The following GGH variants were observed in gnomAD, a reference collection of about 807,000 sequenced individuals.
GGH encodes the protein gamma-Glu-X carboxypeptidase.
GGH carries 18 observed loss-of-function variants against 39.2 expected under a neutral mutation model. That is an observed-to-expected ratio of 0.46 (90% confidence interval 0.32 to 0.68). The LOEUF is 0.68. Among genes scored for constraint, GGH ranks in the 30% least tolerant of loss-of-function variants. The pLI is 0.04. For missense variants in GGH, 367 were observed against 384.1 expected (o/e 0.96, Z 0.37); for synonymous variants, 147 against 138.8 (o/e 1.06, Z -0.42).
chr8:63,030,212 TC>T lies in GGH; in HGVS notation c.229del (p.Asp77IlefsTer67). Reference protein sequence around the residue: ...AGARVVPVRLDLTEKDYEILF... With the variant: ...AGARVVPVRLXLTEKDYEILF... ...TATTTCATAGTCTTTCTCTGTAAGA[TC>T]CAGCCTGAAAACAATAAAAGTTATT... On this transcript the variant is annotated frameshift_variant, in exon 3 of 9. Coordinates refer to ENST00000260118, the MANE Select transcript of GGH (RefSeq NM_003878.3). LOFTEE classifies it high-confidence loss of function. The T allele has an allele frequency of 1.4e-6, 2 of 1,390,186 alleles. No homozygotes were observed. The highest frequency in any genetic ancestry group is 1.0e-6 in the Non-Finnish European group (1 of 977,748). The allele number at this position is 1,390,186 out of a possible 1,614,324, so 86.1% of individuals were successfully genotyped here.
intron 2 of GGH, among the ~76,000 whole-genome samples, chr8:63,034,782 A>AATTTACAAAC (rs1269757076): frequency 2.6e-5 from 4 of 152,228 alleles, no homozygotes; most frequent in African/African-American, 9.6e-5. Flanking sequence ...GTGTGAAGGT[A>AATTTACAAAC]TTTTAAAAGT....
chr8:63,024,722 AC>A (rs1321898933), intron 5 of GGH: 1 of 150,490 alleles, frequency 6.6e-6, no homozygotes, highest in East Asian at 2.0e-4. Context: ...AGACTCAAAC[AC>A]CAACAAACAG....
chr8:63,038,004 A>C (rs749718454), intron 1 of GGH, among the ~76,000 whole-genome samples: 2 of 152,224 alleles, frequency 1.3e-5, no homozygotes, highest in Non-Finnish European at 2.9e-5. Context: ...GCAAATTTTA[A>C]CCCCAGGATG....
chr8:63,038,762 T>C lies in GGH; in HGVS notation c.7A>G (p.Ser3Gly). The C allele has an allele frequency of 6.5e-7, 1 of 1,543,942 alleles. No individual in the cohort carries two copies. The highest frequency in any genetic ancestry group is 8.7e-7 in the Non-Finnish European group (1 of 1,148,852). Residue 3 changes from serine (S) to glycine (G), a missense_variant, in exon 1 of 9, where the codon AGT becomes GGT. By Grantham distance (56) the Ser-to-Gly change is moderately conservative. Coordinates refer to ENST00000260118, the MANE Select transcript of GGH (RefSeq NM_003878.3). MA[S>G]PGCLLCVLGL... ...AGCACGCACAGCAGGCAGCCCGGAC[T>C]GGCCATGGCGCTCGCCGCCTCCCGC...
At chr8:63,015,572 A>C in intron 8 of GGH, 119 bp from the exon 9 acceptor site, 1 of 560,200 alleles carries the variant, frequency 1.8e-6, no homozygotes, top group Non-Finnish European at 3.1e-6. Flanking sequence ...ACAAGAAGAG[A>C]AATGCGACTG....
At chr8:63,030,328 T>A in intron 2 of GGH, 111 bp from the exon 3 acceptor site, 2 of 617,124 alleles carry the variant, frequency 3.2e-6, no homozygotes, top group East Asian at 2.7e-5. Flanking sequence ...TTTTAATTAC[T>A]AGACAATATT....
rs1174545239 is a variant in GGH at position 63,030,226 on chromosome 8, A to T, written c.225-9T>A. On this transcript the variant is annotated splice_polypyrimidine_tract_variant and intron_variant, in intron 2 of 8. Coordinates refer to ENST00000260118, the MANE Select transcript of GGH (RefSeq NM_003878.3). ...TCTCTGTAAGATCCAGCCTGAAAAC[A>T]ATAAAAGTTATTGTTACATTTGTGA... The T allele has an allele frequency of 7.9e-7, 1 of 1,264,650 alleles. No individual in the cohort carries two copies. The highest frequency in any genetic ancestry group is 1.2e-6 in the Non-Finnish European group (1 of 864,884). 78.3% of individuals were successfully genotyped at this position (1,264,650 alleles called of 1,614,324 possible). A position where few individuals can be genotyped will look rare whatever the true frequency, so the allele number is the denominator to read the frequency against.
At chr8:63,018,241 C>G (rs1293706703) in intron 7 of GGH, among the ~76,000 whole-genome samples, 1 of 144,218 alleles carries the variant, frequency 6.9e-6, no homozygotes, top group Non-Finnish European at 1.6e-5. Flanking sequence ...TCATATTACT[C>G]TCTCTATGTT....
chr8:63,025,780 G>C (rs1200854655), intron 5 of GGH, among the ~76,000 whole-genome samples: 4 of 151,800 alleles, frequency 2.6e-5, no homozygotes, highest in Non-Finnish European at 5.9e-5. Context: ...AAACCCCTAA[G>C]CGTTATTAGA....
rs75636728 is a variant in GGH, at chr8:63,037,317, G to C, written c.109+1343C>G. Reference sequence around the variant, plus strand: ...GAAATGGAGTGGTACAGGGTACATGGGGTGAGGTACCACAAAGGAGACATG... The same window carrying C: ...GAAATGGAGTGGTACAGGGTACATGCGGTGAGGTACCACAAAGGAGACATG... On this transcript the variant is annotated intron_variant, in intron 1 of 8. Transcript: ENST00000260118. Among the ~76,000 whole-genome samples, 471 of 152,268 alleles carry C rather than the reference G, an allele frequency of 3.1e-3. 4 individuals carry two copies. Among genetic ancestry groups the C allele is most frequent in the African/African-American group, 0.01 (428 of 41,544 alleles).
At chr8:63,033,228 C>A (rs1382108155) in intron 2 of GGH, among the ~76,000 whole-genome samples, 3 of 152,220 alleles carry the variant, frequency 2.0e-5, no homozygotes, top group Non-Finnish European at 4.4e-5. Context: ...TAAAAATACA[C>A]TGACACATCA....
chr8:63,026,978 T>G, intron 4 of GGH: 1 of 579,894 alleles, frequency 1.7e-6, no homozygotes, highest in Admixed American at 3.3e-5. Context: ...AGCAGTGCTC[T>G]GAAGGGTCTC....
In GGH at chr8:63,023,924, A is replaced by G; in HGVS notation, c.680T>C (p.Phe227Ser). 1 of 1,578,888 alleles carries G rather than the reference A, an allele frequency of 6.3e-7. No individual in the cohort carries two copies. The highest frequency in any genetic ancestry group is 8.7e-7 in the Non-Finnish European group (1 of 1,155,584). Residue 227 changes from phenylalanine (F) to serine (S), a missense_variant, in exon 7 of 9, where the codon TTT becomes TCT. By Grantham distance (155) the Phe-to-Ser change is radical. Coordinates refer to ENST00000260118, the MANE Select transcript of GGH (RefSeq NM_003878.3). ...LTTNTDGKIE[F>S]ISTMEGYKYP... is the part of the protein sequence containing the mutation. ...TGATATACCTTCCATTGTTGAAATA[A>G]ACTCAATCTTGCCATCTGTATTTGT...
intron 7 of GGH, among the ~76,000 whole-genome samples, chr8:63,018,306 T>C (rs1021474450): frequency 1.3e-5 from 2 of 152,194 alleles, no homozygotes; most frequent in Non-Finnish European, 2.9e-5. Context: ...TGTGTAATAG[T>C]TACCTTCAGA....
chr8:63,035,892 CT>C, intron 1 of GGH, 122 bp from the exon 2 acceptor site: 9 of 920,504 alleles, frequency 9.8e-6, no homozygotes, highest in Non-Finnish European at 1.4e-5. Flanking sequence ...AATAGGAAGT[CT>C]CTCCTCCAAG....
intron 1 of GGH, among the ~76,000 whole-genome samples, chr8:63,036,104 C>A (rs1387434483): frequency 6.6e-6 from 1 of 152,178 alleles, no homozygotes; most frequent in Middle Eastern, 3.2e-3. Context: ...TCCTTTCCCA[C>A]ACATACTCAC....
At chr8:63,038,633 T>C (rs757946225) in intron 1 of GGH, 27 bp downstream of exon 1, 9 of 1,194,638 alleles carry the variant, frequency 7.5e-6, no homozygotes, top group Non-Finnish European at 1.0e-5. Context: ...CCTCCCCGTC[T>C]GCTGCGGCCC....
chr8:63,022,298 A>G (rs1248173514), intron 7 of GGH, among the ~76,000 whole-genome samples: 1 of 151,744 alleles, frequency 6.6e-6, no homozygotes, highest in Non-Finnish European at 1.5e-5. Flanking sequence ...TTTTTTTAAT[A>G]TGGAAAAAAG....
chr8:63,017,017 C>T (rs1442603711), intron 8 of GGH, among the ~76,000 whole-genome samples: 1 of 152,058 alleles, frequency 6.6e-6, no homozygotes, highest in Non-Finnish European at 1.5e-5. Flanking sequence ...GGGGAAGAAT[C>T]TAAATTAAAA....
Sources: gnomAD v4.1 joint callset for allele counts (sites outside exome capture counted in the v4.1 genomes callset) on GRCh38, gnomAD v4.1.1 for gene constraint, MANE v1.5 for transcripts, NCBI Gene and HGNC (gene_info 2026-07-23, HGNC 2026-07-21) for gene names.